BUD23: variants seen among roughly 807,000 people sequenced by gnomAD.
The protein encoded by BUD23 is 18S rRNA (guanine-N(7))-methyltransferase.
Under a neutral mutation model 47.0 loss-of-function variants are expected in BUD23, and 34 were observed. That is an observed-to-expected ratio of 0.72 (90% CI 0.55 to 0.96). BUD23 has a LOEUF of 0.96. Ranked by LOEUF, BUD23 falls within the 40% of genes least tolerant of loss-of-function variation. BUD23 has a pLI of 0.00. For missense variants in BUD23, 343 were observed against 361.2 expected (o/e 0.95, Z 0.41); for synonymous variants, 124 against 132.0 (o/e 0.94, Z 0.41).
At chr7:73,694,126 C>A in intron 10 of BUD23, 76 bp downstream of exon 10, 1 of 1,491,628 alleles carries the variant, frequency 6.7e-7, no homozygotes, top group Non-Finnish European at 9.1e-7. Flanking sequence ...TTCTCTCTGC[C>A]CTCACCCAAG....
intron 5 of BUD23, among the ~76,000 whole-genome samples, chr7:73,689,793 G>A (rs782689728): frequency 7.9e-5 from 12 of 152,134 alleles, no homozygotes; most frequent in Non-Finnish European, 1.6e-4. Flanking sequence ...GGCAGGTGAC[G>A]GGATCAGATG....
At chr7:73,687,145 T>C in intron 5 of BUD23, 50 bp downstream of exon 5, 1 of 1,584,096 alleles carries the variant, frequency 6.3e-7, no homozygotes, top group Non-Finnish European at 8.6e-7. Context: ...AGGGTCTCAC[T>C]CTATCACTTA....
At position 73,690,931 on chromosome 7, in the gene BUD23, G is replaced by C; in HGVS notation, c.378G>C (p.Gln126His). The change falls in exon 6 of 12, where the codon CAG becomes CAC. Residue 126 changes from glutamine (Q) to histidine (H), a missense_variant. Transcript: ENST00000265758. ...FDGCISISAV[Q>H]WLCNANKKSE... ...TCCTTTTTAGCATTTCTGCTGTGCAGTGGCTCTGTAATGCTAACAAGAAGT... is the reference window on the plus strand; with the variant it reads ...TCCTTTTTAGCATTTCTGCTGTGCACTGGCTCTGTAATGCTAACAAGAAGT... 1 of 1,614,202 alleles carries C rather than the reference G, an allele frequency of 6.2e-7. No individual in the cohort carries two copies. The highest frequency in any genetic ancestry group is 8.5e-7 in the Non-Finnish European group (1 of 1,180,028).
In BUD23 at chr7:73,687,041, G is replaced by T; in HGVS notation, c.308G>T (p.Gly103Val). 6.2e-7 allele frequency: 1 copy of T among 1,614,102 alleles called. No individual in the cohort carries two copies. Among genetic ancestry groups the T allele is most frequent in the East Asian group, 2.2e-5 (1 of 44,890 alleles). The change falls in exon 5 of 12, where the codon GGG becomes GTG. Residue 103 changes from glycine (G) to valine (V), a missense_variant. Transcript: ENST00000265758. Reference protein sequence around the residue: ...DREIEGDLLLGDMGQGIPFKP... With the variant: ...DREIEGDLLLVDMGQGIPFKP... ...GAGATAGAGGGAGACCTGCTGCTGGGGGATATGGGCCAGGGCATCCCATTC... is the reference window on the plus strand; with the variant it reads ...GAGATAGAGGGAGACCTGCTGCTGGTGGATATGGGCCAGGGCATCCCATTC...
At chr7:73,692,116 G>A (rs1396467491) in intron 6 of BUD23, among the ~76,000 whole-genome samples, 4 of 151,992 alleles carry the variant, frequency 2.6e-5, no homozygotes, top group African/African-American at 9.7e-5. Flanking sequence ...GGTGGACTGC[G>A]CCTGCCTATC....
At chr7:73,693,290 C>T in intron 7 of BUD23, 39 bp from the exon 8 acceptor site, 2 of 1,580,606 alleles carry the variant, frequency 1.3e-6, no homozygotes, top group Non-Finnish European at 1.7e-6. Flanking sequence ...CTGCTCCTCT[C>T]AACCTCCGCT....
chr7:73,697,353 T>G, intron 10 of BUD23: 1 of 1,308,976 alleles, frequency 7.6e-7, no homozygotes, highest in Middle Eastern at 2.5e-4. Context: ...CGCTGGTGTT[T>G]AGGTCTCCAT....
At chr7:73,692,076 C>T (rs1798215980) in intron 6 of BUD23, among the ~76,000 whole-genome samples, 1 of 152,108 alleles carries the variant, frequency 6.6e-6, no homozygotes, top group African/African-American at 2.4e-5. Context: ...GTGAACTGCC[C>T]CTGCTGATGT....
intron 10 of BUD23, chr7:73,695,175 C>T (rs1554614675): frequency 6.6e-6 from 1 of 152,388 alleles, no homozygotes; most frequent in Non-Finnish European, 1.5e-5. Context: ...TGATCTTGAA[C>T]TCCTGGCCTC....
intron 9 of BUD23, 29 bp downstream of exon 9, chr7:73,693,698 C>T: frequency 6.2e-7 from 1 of 1,614,042 alleles, no homozygotes. Flanking sequence ...GCAGGCAGGC[C>T]TGTGTCTTTT....
intron 5 of BUD23, among the ~76,000 whole-genome samples, chr7:73,688,595 CCTTT>C (rs1656144564): frequency 6.6e-6 from 1 of 152,156 alleles, no homozygotes; most frequent in Non-Finnish European, 1.5e-5. Flanking sequence ...GCTTCACAGT[CCTTT>C]CTCTGTAATC....
intron 7 of BUD23, 191 bp from the exon 8 acceptor site, chr7:73,693,138 A>T: frequency 1.6e-6 from 1 of 614,842 alleles, no homozygotes. Context: ...TTGTTCTGTA[A>T]TTCTCCTGAG....
chr7:73,686,335 T>G (rs1563551408), intron 2 of BUD23, among the ~76,000 whole-genome samples: 2 of 152,122 alleles, frequency 1.3e-5, no homozygotes, highest in Admixed American at 6.6e-5. Context: ...CAGATCCCAG[T>G]GGTTGTTTAT....
intron 5 of BUD23, among the ~76,000 whole-genome samples, chr7:73,689,401 G>T (rs1433242167): frequency 2.6e-5 from 4 of 151,728 alleles, no homozygotes; most frequent in Non-Finnish European, 5.9e-5. Context: ...ACAAGGTGCT[G>T]TGGAGTACAG....
Position 73,687,526 on chromosome 7 carries a change from C to T in BUD23, c.362+431C>T, listed in dbSNP as rs139826351. Among the ~76,000 whole-genome samples, 228 of 152,306 alleles carry T rather than the reference C, an allele frequency of 1.5e-3. 1 individual carries two copies. The Middle Eastern group carries it at 0.034, about 23-fold the overall frequency. On this transcript the variant is annotated intron_variant, in intron 5 of 11. Transcript: ENST00000265758. The stretch of plus-strand genomic sequence containing the variant: ...TCTTGACCTTGTGATCCACCCTCCT[C>T]GGCCTCCCAAAGTGCTGGGATTACA...
Position 73,694,060 on chromosome 7 carries a change from C to A in BUD23, c.701+10C>A. ...TGTTCACCAATGAGAGGTAAAGCAA[C>A]TGCTGAAGCCTGCCCCGGCTGCAGC... On this transcript the variant is annotated intron_variant, in intron 10 of 11. Transcript: ENST00000265758. The A allele has an allele frequency of 6.2e-7, 1 of 1,602,400 alleles. No individual in the cohort carries two copies. The highest frequency in any genetic ancestry group is 1.7e-4 in the Middle Eastern group (1 of 5,834).
In BUD23 at chr7:73,683,804, A is replaced by C. The variant is rs533945217; in HGVS notation, c.86A>C (p.Asn29Thr). The change falls in exon 2 of 12, where the codon AAC (asparagine) becomes ACC (threonine). Residue 29 changes from asparagine to threonine, a missense_variant and splice_region_variant. Asn to Thr is a moderately conservative substitution (Grantham distance 65, BLOSUM62 0). Coordinates refer to ENST00000265758, the MANE Select transcript of BUD23 (RefSeq NM_017528.5). Reference sequence around the variant, plus strand: ...ACAGAAGCCCGGAAATACGTTCGCAAGTGAGGGGAGCCTGAATACTGCGGG... The same window carrying C: ...ACAGAAGCCCGGAAATACGTTCGCACGTGAGGGGAGCCTGAATACTGCGGG... ...DETEARKYVR[N>T]SRMIDIQTRM... The C allele has an allele frequency of 6.2e-7, 1 of 1,614,084 alleles. No homozygotes were observed. The highest frequency in any genetic ancestry group is 8.5e-7 in the Non-Finnish European group (1 of 1,180,022).
intron 2 of BUD23, among the ~76,000 whole-genome samples, chr7:73,685,537 T>G (rs1554612830): frequency 6.6e-6 from 1 of 152,114 alleles, no homozygotes; most frequent in Non-Finnish European, 1.5e-5. Context: ...TCCCGGGTAG[T>G]TGGAACTACA....
intron 10 of BUD23, chr7:73,697,396 C>T: frequency 6.5e-7 from 1 of 1,529,038 alleles, no homozygotes; most frequent in Non-Finnish European, 8.8e-7. Context: ...TCTGCCCACC[C>T]AACAACCTCT....
Sources: gnomAD v4.1 joint callset for allele counts (sites outside exome capture counted in the v4.1 genomes callset) on GRCh38, gnomAD v4.1.1 for gene constraint, MANE v1.5 for transcripts, NCBI Gene and HGNC (gene_info 2026-07-23, HGNC 2026-07-21) for gene names.